The following ITGB5 variants were observed in gnomAD, a reference collection of about 807,000 sequenced individuals.
ITGB5 encodes the protein integrin subunit beta 5.
In ITGB5, 38 loss-of-function variants were observed where a neutral mutation model predicts 84.8. That is an observed-to-expected ratio of 0.45 (90% CI 0.35 to 0.59). ITGB5 has a LOEUF of 0.59. Ranked by LOEUF, ITGB5 falls within the 20% of genes least tolerant of loss-of-function variation. The pLI, the probability that ITGB5 is intolerant of heterozygous loss-of-function variation, is 0.01. For synonymous variants in ITGB5, 393 were observed against 414.4 expected (o/e 0.95, Z 0.63); for missense variants, 905 against 1,034.5 (o/e 0.87, Z 1.72).
intron 5 of ITGB5, chr3:124,832,925 G>C (rs2064879724): frequency 6.6e-6 from 1 of 152,278 alleles, no homozygotes; most frequent in African/African-American, 2.4e-5. Flanking sequence ...CTTGGGGACA[G>C]AGGAGTCTCC....
chr3:124,861,901 C>T (rs2065308789), intron 2 of ITGB5, among the ~76,000 whole-genome samples: 1 of 152,138 alleles, frequency 6.6e-6, no homozygotes, highest in Non-Finnish European at 1.5e-5. Context: ...AAATGGGGTT[C>T]CAGGTGGTCA....
intron 1 of ITGB5, among the ~76,000 whole-genome samples, chr3:124,886,699 A>G (rs960673652): frequency 6.6e-6 from 1 of 151,790 alleles, no homozygotes; most frequent in African/African-American, 2.4e-5. Context: ...TTACACAGGA[A>G]GGGAAGCTCC....
intron 8 of ITGB5, among the ~76,000 whole-genome samples, chr3:124,809,970 C>A (rs898305496): frequency 6.6e-6 from 1 of 152,154 alleles, no homozygotes; most frequent in Non-Finnish European, 1.5e-5. Context: ...AAAGCTTAGG[C>A]CAACCTCAGA....
chr3:124,836,445 CA>C (rs370216416), intron 5 of ITGB5, among the ~76,000 whole-genome samples: 8 of 135,152 alleles, frequency 5.9e-5, no homozygotes, highest in Admixed American at 1.5e-4. Context: ...GATCTCCTTT[CA>C]AAAAAAAAAG....
intron 3 of ITGB5, among the ~76,000 whole-genome samples, chr3:124,850,461 G>A (rs2107606084): frequency 6.8e-6 from 1 of 147,884 alleles, no homozygotes; most frequent in Non-Finnish European, 1.5e-5. Context: ...CCCCTGACTT[G>A]TCTTTGCGTG....
chr3:124,839,224 T>A (rs1559961958), intron 5 of ITGB5, among the ~76,000 whole-genome samples: 1 of 152,224 alleles, frequency 6.6e-6, no homozygotes, highest in Non-Finnish European at 1.5e-5. Flanking sequence ...TCAACAGGTA[T>A]AAGCCTGAAA....
chr3:124,880,576 T>G (rs75316744), intron 1 of ITGB5, among the ~76,000 whole-genome samples: 1 of 152,136 alleles, frequency 6.6e-6, no homozygotes, highest in Non-Finnish European at 1.5e-5. Flanking sequence ...ATCACGCTAA[T>G]GCACTCCAAC....
intron 8 of ITGB5, among the ~76,000 whole-genome samples, chr3:124,810,543 A>G (rs2064483159): frequency 6.6e-6 from 1 of 152,106 alleles, no homozygotes; most frequent in Admixed American, 6.6e-5. Context: ...GGCTGCAATG[A>G]GCTATGATCA....
chr3:124,871,969 T>C (rs115373215), intron 2 of ITGB5, among the ~76,000 whole-genome samples: 1 of 152,050 alleles, frequency 6.6e-6, no homozygotes, highest in East Asian at 1.9e-4. Flanking sequence ...CTGGGCTCTC[T>C]GGGTATCTGC....
At chr3:124,846,002 C>T (rs962565675) in intron 4 of ITGB5, among the ~76,000 whole-genome samples, 1 of 152,134 alleles carries the variant, frequency 6.6e-6, no homozygotes. Flanking sequence ...GAAGCTAAAC[C>T]CAGCAAATGA....
At chr3:124,773,968 A>G in intron 10 of ITGB5, 56 bp from the exon 11 acceptor site, 4 of 1,482,508 alleles carry the variant, frequency 2.7e-6, no homozygotes, top group Non-Finnish European at 3.7e-6. Context: ...ATGAGCACAT[A>G]ACCATCTGGT....
intron 1 of ITGB5, among the ~76,000 whole-genome samples, chr3:124,874,107 T>C (rs1934191130): frequency 6.7e-6 from 1 of 148,782 alleles, no homozygotes; most frequent in Non-Finnish European, 1.5e-5. Context: ...GGCTCATGCC[T>C]ATAATAATCC....
At chr3:124,789,158 C>G (rs1337033214) in intron 10 of ITGB5, among the ~76,000 whole-genome samples, 1 of 152,244 alleles carries the variant, frequency 6.6e-6, no homozygotes, top group Non-Finnish European at 1.5e-5. Context: ...ACCTGAGCCC[C>G]AAGGACGGCT....
chr3:124,864,388 G>A lies in ITGB5; in HGVS notation c.157-4942C>T, dbSNP rs144485796. Among the ~76,000 whole-genome samples, 529 of 152,178 alleles carry A rather than the reference G, an allele frequency of 3.5e-3. 6 individuals are homozygous for A. The highest frequency in any genetic ancestry group is 0.011 in the African/African-American group (464 of 41,516). ...CCCAAAGTGCTGGGATTACAGGTGT[G>A]AGCCACCACATCCGGCCCCTCAATA... On this transcript the variant is annotated intron_variant, in intron 2 of 14. Transcript: ENST00000296181.
intron 11 of ITGB5, among the ~76,000 whole-genome samples, chr3:124,773,206 C>T (rs1252755655): frequency 6.6e-6 from 1 of 152,194 alleles, no homozygotes; most frequent in Non-Finnish European, 1.5e-5. Flanking sequence ...CATGCCCGGC[C>T]TCTTTCCAAT....
intron 1 of ITGB5, among the ~76,000 whole-genome samples, chr3:124,900,117 T>C (rs560577975): frequency 3.0e-4 from 46 of 152,254 alleles, no homozygotes; most frequent in African/African-American, 1.1e-3. Context: ...GCTTCAAATA[T>C]ATGTCACATT....
At chr3:124,889,785 G>A (rs979800964), upstream of ITGB5, among the ~76,000 whole-genome samples, 1 of 152,112 alleles carries the variant, frequency 6.6e-6, no homozygotes, top group African/African-American at 2.4e-5. Flanking sequence ...AGACCCAGTC[G>A]GGTGGATAGC....
intron 5 of ITGB5, among the ~76,000 whole-genome samples, chr3:124,825,061 G>T (rs909570247): frequency 1.3e-5 from 2 of 152,148 alleles, no homozygotes; most frequent in Non-Finnish European, 2.9e-5. Context: ...GCTGGGCGTG[G>T]TGGTGGGTGC....
chr3:124,795,069 A>T (rs1164168354), intron 10 of ITGB5, among the ~76,000 whole-genome samples: 2 of 152,190 alleles, frequency 1.3e-5, no homozygotes, highest in Non-Finnish European at 2.9e-5. Flanking sequence ...TCTAGCCTAG[A>T]TCAGAAGAGA....
Sources: gnomAD v4.1 joint callset for allele counts (sites outside exome capture counted in the v4.1 genomes callset) on GRCh38, gnomAD v4.1.1 for gene constraint, MANE v1.5 for transcripts, NCBI Gene and HGNC (gene_info 2026-07-23, HGNC 2026-07-21) for gene names.